Variants in PLCH2 observed in about 807,000 individuals in gnomAD.
PLCH2 encodes the protein 1-phosphatidylinositol 4,5-bisphosphate phosphodiesterase eta-2.
Under a neutral mutation model 134.7 loss-of-function variants are expected in PLCH2, and 98 were observed. The ratio of observed to expected loss-of-function variants is 0.73; its 90% CI spans 0.62 to 0.86. The LOEUF is 0.86. Ranked by LOEUF, PLCH2 falls within the 40% of genes least tolerant of loss-of-function variation. The probability of loss-of-function intolerance (pLI) is 0.00; values close to 1 mark genes in which losing one functional copy is unlikely to be tolerated. For missense variants in PLCH2, 1,994 were observed against 1,986.6 expected, an observed-to-expected ratio of 1.00 and a Z score of -0.07; for synonymous variants, 974 against 827.5, an observed-to-expected ratio of 1.18 and a Z score of -3.04.
intron 1 of PLCH2, among the ~76,000 whole-genome samples, chr1:2,470,278 G>A (rs943633496): frequency 1.3e-5 from 2 of 152,200 alleles, no homozygotes; most frequent in Admixed American, 1.3e-4. Context: ...TGGGTCAGCT[G>A]GTGTGTGGGT....
chr1:2,416,604 G>T, the PLCH2 span, among the ~76,000 whole-genome samples: 1 of 152,242 alleles, frequency 6.6e-6, no homozygotes, highest in Non-Finnish European at 1.5e-5. Flanking sequence ...TGAGCCCTGG[G>T]TGGGCACAGT....
chr1:2,504,304 C>T lies in PLCH2; in HGVS notation c.3342C>T (p.Pro1114=). The T allele has an allele frequency of 1.2e-6, 2 of 1,604,436 alleles. No individual in the cohort carries two copies. Among genetic ancestry groups the T allele is most frequent in the Non-Finnish European group, 1.7e-6 (2 of 1,176,832 alleles). ...GAGGGTGGCGGCCCCTGGCCGCTCC[C>T]TTTCCAGCTCCTGCCGTGTACTCCG... ...PLGGWRPLAA[P]FPAPAVYSDA... Residue 1114 remains proline, a synonymous_variant, in exon 22 of 22, where the codon CCC becomes CCT. Transcript: ENST00000378486.
rs373686498 is a variant in PLCH2, at chr1:2,429,788, G to C, written c.-177-550G>C. Among the ~76,000 whole-genome samples, 19 of 152,306 alleles carry C rather than the reference G, an allele frequency of 1.2e-4. No individual in the cohort carries two copies. The East Asian group carries it at 2.9e-3, about 23-fold the overall frequency. On this transcript the variant is annotated intron_variant, in intron 1 of 3. Transcript: ENST00000609981. ...GGAGAAAGGGCTGCCCGCCATGCCT[G>C]TGGCTCCTCCTCGGGGCCGTGGGGG... is the stretch of plus-strand genomic sequence containing the variant.
At chr1:2,494,787 G>A in intron 11 of PLCH2, 69 bp from the exon 12 acceptor site, 2 of 1,156,894 alleles carry the variant, frequency 1.7e-6, no homozygotes, top group Non-Finnish European at 1.3e-6. Flanking sequence ...GACCACCAGG[G>A]GCTGTCCCGG....
At chr1:2,488,112 C>G (rs541118117) in intron 8 of PLCH2, among the ~76,000 whole-genome samples, 2 of 152,322 alleles carry the variant, frequency 1.3e-5, no homozygotes, top group Non-Finnish European at 2.9e-5. Context: ...GACCGCCTCC[C>G]CGTGTGGTTT....
At position 2,485,814 on chromosome 1, in the gene PLCH2, T is replaced by C. The variant is rs1202369570; in HGVS notation, c.817-1093T>C. On this transcript the variant is annotated intron_variant, in intron 5 of 21. Coordinates refer to ENST00000378486, the MANE Select transcript of PLCH2 (RefSeq NM_014638.4). ...TCCCAGGTAGGGTCTGGGTGGGTTT[T>C]ACCCAGGATCTCCCAGCAGTACCCC... Among the ~76,000 whole-genome samples the C allele has an allele frequency of 8.5e-5, 13 of 152,104 alleles. 1 individual carries two copies. The highest frequency in any genetic ancestry group is 8.5e-4 in the Admixed American group (13 of 15,288).
chr1:2,422,324 A>G (rs575261429), upstream of PLCH2, among the ~76,000 whole-genome samples: 1 of 152,368 alleles, frequency 6.6e-6, no homozygotes, highest in African/African-American at 2.4e-5. Flanking sequence ...AATAGAAATA[A>G]CACGTTAACA....
chr1:2,434,354 C>A (rs1639222794), intron 2 of PLCH2, among the ~76,000 whole-genome samples: 1 of 152,210 alleles, frequency 6.6e-6, no homozygotes, highest in Non-Finnish European at 1.5e-5. Flanking sequence ...GGCCCCAGCT[C>A]CTTGTGCCGT....
chr1:2,491,872 G>A (rs902804952), intron 11 of PLCH2, among the ~76,000 whole-genome samples: 159 of 135,090 alleles, frequency 1.2e-3, no homozygotes, highest in Middle Eastern at 4.4e-3. Context: ...GTGGGCGCCT[G>A]TGCTGGGGAC....
At chr1:2,461,292 C>A (rs894378715) in intron 2 of PLCH2, among the ~76,000 whole-genome samples, 1 of 152,152 alleles carries the variant, frequency 6.6e-6, no homozygotes, top group African/African-American at 2.4e-5. Context: ...CTCTGCAGCC[C>A]GGGGCTGGAC....
In PLCH2 at chr1:2,436,420, TTCCTCCTTTCTCCC is replaced by T. The variant is rs1324461762; in HGVS notation, c.115+5798_115+5811del. On this transcript the variant is annotated intron_variant, in intron 2 of 3. Transcript: ENST00000609981. Reference sequence around the variant, plus strand: ...CCTTTCCTCCTTCCTCCCTCCACCTTTCCTCCTTTCTCCCTCCTCCCTTCCTCCCTTCCTCCCTC... The same window carrying T: ...CCTTTCCTCCTTCCTCCCTCCACCTTTCCTCCCTTCCTCCCTTCCTCCCTC... Among the ~76,000 whole-genome samples, 113 of 42,060 alleles carry T rather than the reference TTCCTCCTTTCTCCC, an allele frequency of 2.7e-3. 5 individuals are homozygous for T. The highest frequency in any genetic ancestry group is 0.018 in the African/African-American group (110 of 6,100). The allele number at this position is 42,060 out of a possible 152,430, so 27.6% of individuals were successfully genotyped here.
chr1:2,452,993 C>T (rs577107153), intron 2 of PLCH2, among the ~76,000 whole-genome samples: 73 of 152,268 alleles, frequency 4.8e-4, no homozygotes, highest in Middle Eastern at 3.4e-3. Context: ...CCGGTGGGGG[C>T]GCCCCTCAGT....
At position 2,499,799 on chromosome 1, in the gene PLCH2, C is replaced by G. The variant is rs1570488271; in HGVS notation, c.2661+79C>G. On this transcript the variant is annotated intron_variant, in intron 20 of 21. Coordinates refer to ENST00000378486, the MANE Select transcript of PLCH2 (RefSeq NM_014638.4). Reference sequence around the variant, plus strand: ...TTGTCCCATGCCCCCCCATGTGTCCCCAGTGCTGGGTCCTGAACTCAGGCA... The same window carrying G: ...TTGTCCCATGCCCCCCCATGTGTCCGCAGTGCTGGGTCCTGAACTCAGGCA... 2.6e-6 allele frequency: 3 copies of G among 1,145,928 alleles called. No individual in the cohort carries two copies. The African/African-American group carries it at 4.6e-5, about 18-fold the overall frequency. 71.0% of individuals were successfully genotyped at this position (1,145,928 alleles called of 1,614,324 possible).
intron 2 of PLCH2, among the ~76,000 whole-genome samples, chr1:2,459,496 TCCTC>T (rs1640685664): frequency 5.2e-5 from 4 of 76,368 alleles, no homozygotes; most frequent in East Asian, 3.0e-4. Flanking sequence ...TTCCTGGTGG[TCCTC>T]CTTCCTGGTG....
At chr1:2,427,463 G>A (rs1638854293) in intron 1 of PLCH2, among the ~76,000 whole-genome samples, 1 of 152,172 alleles carries the variant, frequency 6.6e-6, no homozygotes, top group Admixed American at 6.5e-5. Flanking sequence ...ACTCTCTTGT[G>A]GGCTGGGTGG....
At chr1:2,479,056 T>G in intron 2 of PLCH2, 1 of 187,576 alleles carries the variant, frequency 5.3e-6, no homozygotes, top group Non-Finnish European at 1.1e-5. Context: ...AGATGGAGGC[T>G]CTGTGCAGGG....
chr1:2,473,428 C>T (rs1174716027), upstream of PLCH2, among the ~76,000 whole-genome samples: 1 of 152,242 alleles, frequency 6.6e-6, no homozygotes, highest in Non-Finnish European at 1.5e-5. Context: ...TGGGGTGCAG[C>T]CCCGTCTGCC....
Position 2,498,600 on chromosome 1 carries a change from C to T in PLCH2, c.2302C>T (p.Gln768Ter), listed in dbSNP as rs1348002065. ...GCTGGTGCTCCGGATCATCAGTGGC[C>T]AGCAGCTTCCCAAGCCGCGCGACTC... ...KQLVLRIISG[Q>*]QLPKPRDSML... Residue 768 changes from glutamine (Q) to a stop codon, truncating the protein, a stop_gained, in exon 17 of 22, where the codon CAG becomes TAG. Coordinates refer to ENST00000378486, the MANE Select transcript of PLCH2 (RefSeq NM_014638.4). LOFTEE classifies it high-confidence loss of function. The surrounding 1 kb of genome is among the most constrained non-coding windows in gnomAD (Gnocchi z 5.4). 1 of 1,596,234 alleles carries T rather than the reference C, an allele frequency of 6.3e-7. No homozygotes were observed. Among genetic ancestry groups the T allele is most frequent in the African/African-American group, 1.3e-5 (1 of 74,408 alleles).
upstream of PLCH2, among the ~76,000 whole-genome samples, chr1:2,475,903 G>A (rs1008942666): frequency 1.3e-5 from 2 of 152,150 alleles, no homozygotes; most frequent in Admixed American, 6.5e-5. Context: ...CCTGCTCTGG[G>A]CCACCTGCCT....
Sources: gnomAD v4.1 joint callset for allele counts (sites outside exome capture counted in the v4.1 genomes callset) on GRCh38, gnomAD v4.1.1 for gene constraint, Gnocchi (gnomAD v3.1) non-coding constraint, MANE v1.5 for transcripts, NCBI Gene and HGNC (gene_info 2026-07-23, HGNC 2026-07-21) for gene names.